Variants in INPP4A observed in about 807,000 individuals in gnomAD.
INPP4A encodes the protein inositol polyphosphate-4-phosphatase type I A, also known as inositol polyphosphate-4-phosphatase, type I, 107kD.
A neutral mutation model predicts 119.8 loss-of-function variants in INPP4A; 33 were observed. The ratio of observed to expected loss-of-function variants is 0.28; its 90% CI spans 0.21 to 0.37. INPP4A has a LOEUF of 0.37. Ranked by LOEUF, INPP4A falls within the 10% of genes least tolerant of loss-of-function variation. INPP4A has a pLI of 1.00. For missense variants in INPP4A, 956 were observed against 1,289.9 expected (o/e 0.74, Z 3.97); for synonymous variants, 496 against 500.7 (o/e 0.99, Z 0.12).
intron 1 of INPP4A, among the ~76,000 whole-genome samples, chr2:98,516,842 G>A (rs3769716): frequency 0.24 from 36,932 of 152,018 alleles, 4,635 homozygotes; most frequent in Middle Eastern, 0.35. Flanking sequence ...TGATGCAGCC[G>A]CCTGCTGGCT....
At chr2:98,464,243 G>T (rs1469813694) in intron 1 of INPP4A, among the ~76,000 whole-genome samples, 1 of 152,072 alleles carries the variant, frequency 6.6e-6, no homozygotes, top group African/African-American at 2.4e-5. Flanking sequence ...AGAGGGGAGG[G>T]CAGGAGAGCC....
intron 1 of INPP4A, among the ~76,000 whole-genome samples, chr2:98,473,646 T>A (rs1676618802): frequency 6.6e-6 from 1 of 151,958 alleles, no homozygotes; most frequent in African/African-American, 2.4e-5. Flanking sequence ...GTGAGTGACC[T>A]CACCCGGGCC....
intron 1 of INPP4A, among the ~76,000 whole-genome samples, chr2:98,499,102 A>G (rs1482033370): frequency 6.6e-6 from 1 of 152,230 alleles, no homozygotes; most frequent in Non-Finnish European, 1.5e-5. Flanking sequence ...TAAAAGCACA[A>G]GCATGAATGA....
At chr2:98,466,413 G>T (rs1406190211) in intron 1 of INPP4A, among the ~76,000 whole-genome samples, 2 of 152,242 alleles carry the variant, frequency 1.3e-5, no homozygotes, top group Non-Finnish European at 2.9e-5. Flanking sequence ...GCTCAAGGGG[G>T]TGACAGACAT....
intron 1 of INPP4A, among the ~76,000 whole-genome samples, chr2:98,448,046 CAAAA>C (rs35998148): frequency 1.6e-5 from 1 of 64,198 alleles, no homozygotes. Flanking sequence ...GACTCTGTCT[CAAAA>C]AAAAAAAAAA....
chr2:98,482,865 T>C (rs1401363043), intron 1 of INPP4A, among the ~76,000 whole-genome samples: 1 of 152,202 alleles, frequency 6.6e-6, no homozygotes, highest in Non-Finnish European at 1.5e-5. Flanking sequence ...AATCCAAAAT[T>C]TGAAGTACTT....
At chr2:98,529,826 CGTA>C (rs1187662417) in intron 4 of INPP4A, among the ~76,000 whole-genome samples, 1 of 151,986 alleles carries the variant, frequency 6.6e-6, no homozygotes, top group African/African-American at 2.4e-5. Context: ...TTAAAAGAAA[CGTA>C]GTAAAAATTA....
intron 3 of INPP4A, 23 bp downstream of exon 3, chr2:98,520,177 C>A: frequency 6.5e-7 from 1 of 1,533,714 alleles, no homozygotes; most frequent in Non-Finnish European, 8.8e-7. Flanking sequence ...GGGCCTGCAC[C>A]GGGCTCCAGG....
intron 13 of INPP4A, chr2:98,548,884 A>G: frequency 2.1e-6 from 3 of 1,456,302 alleles, no homozygotes; most frequent in Non-Finnish European, 2.8e-6. Context: ...TGGCTTTTTA[A>G]TTTTTTGTTT....
At chr2:98,492,813 G>T (rs1258995530) in intron 1 of INPP4A, among the ~76,000 whole-genome samples, 1 of 152,244 alleles carries the variant, frequency 6.6e-6, no homozygotes, top group African/African-American at 2.4e-5. Context: ...CAGAGTGATA[G>T]CAGCTATGGT....
intron 1 of INPP4A, among the ~76,000 whole-genome samples, chr2:98,516,366 G>C (rs1234504096): frequency 6.6e-6 from 1 of 152,178 alleles, no homozygotes; most frequent in African/African-American, 2.4e-5. Context: ...GTCTGTAGAT[G>C]TACCCCTTTA....
At chr2:98,527,107 T>G (rs1353778484) in intron 4 of INPP4A, among the ~76,000 whole-genome samples, 1 of 152,240 alleles carries the variant, frequency 6.6e-6, no homozygotes, top group African/African-American at 2.4e-5. Context: ...ATGTTTTAAC[T>G]TGCCCTGTTG....
At chr2:98,530,771 G>A (rs1434754226) in intron 4 of INPP4A, among the ~76,000 whole-genome samples, 1 of 152,074 alleles carries the variant, frequency 6.6e-6, no homozygotes, top group African/African-American at 2.4e-5. Context: ...GATCCAAAGG[G>A]GCTGTATATA....
chr2:98,528,277 C>G (rs564911005), intron 4 of INPP4A, among the ~76,000 whole-genome samples: 1 of 152,118 alleles, frequency 6.6e-6, no homozygotes, highest in Non-Finnish European at 1.5e-5. Context: ...TTAAGAGAGG[C>G]TCAACTGTAG....
chr2:98,459,232 C>T (rs1696697305), intron 1 of INPP4A, among the ~76,000 whole-genome samples: 1 of 152,210 alleles, frequency 6.6e-6, no homozygotes, highest in South Asian at 2.1e-4. Flanking sequence ...GGTCCCTGCA[C>T]CTGGGAAAAT....
At chr2:98,535,867 C>A in intron 6 of INPP4A, 22 bp downstream of exon 6, 2 of 1,220,586 alleles carry the variant, frequency 1.6e-6, no homozygotes, top group East Asian at 2.4e-5. Flanking sequence ...TGTTGTAGTT[C>A]GTGGGATTTT....
At chr2:98,555,895 C>T (rs1414754695) in intron 16 of INPP4A, 87 bp downstream of exon 16, 2 of 1,447,768 alleles carry the variant, frequency 1.4e-6, no homozygotes, top group Middle Eastern at 1.8e-4. Flanking sequence ...TCCATGCCCT[C>T]CTCCCCCATG....
intron 1 of INPP4A, among the ~76,000 whole-genome samples, chr2:98,489,958 G>GAGTGA (rs1680360301): frequency 6.7e-6 from 1 of 148,182 alleles, no homozygotes; most frequent in South Asian, 2.1e-4. Flanking sequence ...AGTGCTTGTG[G>GAGTGA]AGTGAGGAGG....
At position 98,569,852 on chromosome 2, in the gene INPP4A, CG is replaced by C. The variant is rs952946923; in HGVS notation, c.2518+1186del. The C allele has an allele frequency of 3.1e-4, 47 of 152,360 alleles. No individual in the cohort carries two copies. The highest frequency in any genetic ancestry group is 1.1e-3 in the African/African-American group (44 of 41,520). 9.4% of individuals were successfully genotyped at this position (152,360 alleles called of 1,614,324 possible). On this transcript the variant is annotated intron_variant, in intron 22 of 24. Coordinates refer to ENST00000409851, the MANE Select transcript of INPP4A (RefSeq NM_001134225.2). This position sits in a 1 kb window ranked among gnomAD's most constrained non-coding sequence, Gnocchi z 5.1. ...CACAGGTTCATCTAGCAAGAGTGTG[CG>C]GTTGGATTGGAAGAGGGGAGGCAAG... is the stretch of plus-strand genomic sequence containing the variant.
Sources: gnomAD v4.1 joint callset for allele counts (sites outside exome capture counted in the v4.1 genomes callset) on GRCh38, gnomAD v4.1.1 for gene constraint, Gnocchi (gnomAD v3.1) non-coding constraint, MANE v1.5 for transcripts, NCBI Gene and HGNC (gene_info 2026-07-23, HGNC 2026-07-21) for gene names.